DNAJC8: variants seen among roughly 807,000 people sequenced by gnomAD.
The protein encoded by DNAJC8 is DnaJ heat shock protein family (Hsp40) member C8, also known as dnaJ homolog subfamily C member 8.
DNAJC8 carries 24 observed loss-of-function variants against 43.2 expected under a neutral mutation model. That is an observed-to-expected ratio of 0.56 (90% CI 0.40 to 0.78). The LOEUF is 0.78. Ranked by LOEUF, DNAJC8 falls within the 30% of genes least tolerant of loss-of-function variation. The pLI, the probability that DNAJC8 is intolerant of heterozygous loss-of-function variation, is 0.00. For missense variants in DNAJC8, 207 were observed against 299.4 expected, an observed-to-expected ratio of 0.69 and a Z score of 2.28; for synonymous variants, 83 against 98.0, an observed-to-expected ratio of 0.85 and a Z score of 0.90.
At chr1:28,205,196 A>G in intron 7 of DNAJC8, 62 bp downstream of exon 7, 1 of 1,302,678 alleles carries the variant, frequency 7.7e-7, no homozygotes, top group Non-Finnish European at 1.1e-6. Context: ...AAAATCACCA[A>G]AGACCAATGT....
Position 28,204,071 on chromosome 1 carries a change from G to A in DNAJC8, c.564-249C>T, listed in dbSNP as rs557300926. ...TTGTTACACAGATAAAGTAACTAAA[G>A]CCCAGCCAAGAGCAATCTGAGGTTT... On this transcript the variant is annotated intron_variant, in intron 7 of 8. Coordinates refer to ENST00000263697, the MANE Select transcript of DNAJC8 (RefSeq NM_014280.3). 3.9e-5 allele frequency among the ~76,000 whole-genome samples: 6 copies of A among 152,268 alleles called. 1 individual carries two copies. Among genetic ancestry groups the A allele is most frequent in the African/African-American group, 1.4e-4 (6 of 41,556 alleles).
chr1:28,208,157 G>A (rs1646783155), intron 6 of DNAJC8, among the ~76,000 whole-genome samples, 185 bp downstream of exon 6: 1 of 152,200 alleles, frequency 6.6e-6, no homozygotes, highest in African/African-American at 2.4e-5. Context: ...AGTGAGCCGA[G>A]ATCGCGCCAT....
At chr1:28,203,984 G>A (rs1646753208) in intron 7 of DNAJC8, among the ~76,000 whole-genome samples, 162 bp from the exon 8 acceptor site, 1 of 152,172 alleles carries the variant, frequency 6.6e-6, no homozygotes, top group Non-Finnish European at 1.5e-5. Flanking sequence ...TTTCATGAAT[G>A]TCTCATTCTA....
intron 5 of DNAJC8, among the ~76,000 whole-genome samples, chr1:28,209,267 G>A (rs2149016327): frequency 6.6e-6 from 1 of 152,198 alleles, no homozygotes; most frequent in Non-Finnish European, 1.5e-5. Context: ...TCATTATTAT[G>A]GTTATAAAGT....
chr1:28,213,652 T>C (rs1646830834), intron 3 of DNAJC8, among the ~76,000 whole-genome samples: 1 of 152,170 alleles, frequency 6.6e-6, no homozygotes, highest in Non-Finnish European at 1.5e-5. Context: ...GGAAAGTTTT[T>C]TTAAAAGACA....
At chr1:28,219,673 G>A (rs1235443612) in intron 2 of DNAJC8, among the ~76,000 whole-genome samples, 4 of 151,926 alleles carry the variant, frequency 2.6e-5, no homozygotes, top group East Asian at 3.8e-4. Flanking sequence ...TGTGAAGTTC[G>A]GACGATTTCT....
At chr1:28,232,769 A>G in intron 1 of DNAJC8, 152 bp downstream of exon 1, 1 of 684,172 alleles carries the variant, frequency 1.5e-6, no homozygotes, top group Admixed American at 3.0e-5. Context: ...TCAGTGGGAG[A>G]CGCTCACACA....
chr1:28,213,110 C>T (rs919708678), intron 3 of DNAJC8, among the ~76,000 whole-genome samples: 12 of 152,072 alleles, frequency 7.9e-5, no homozygotes, highest in Non-Finnish European at 1.3e-4. Context: ...GTAACAGACA[C>T]GGAAAGGTTA....
At chr1:28,225,796 G>C (rs1412356046) in intron 2 of DNAJC8, among the ~76,000 whole-genome samples, 2 of 148,434 alleles carry the variant, frequency 1.3e-5, no homozygotes, top group Non-Finnish European at 3.0e-5. Context: ...TCCGCCTCCT[G>C]GGTTTAAGTG....
chr1:28,207,591 G>A (rs1048431404), intron 6 of DNAJC8, among the ~76,000 whole-genome samples: 5 of 150,424 alleles, frequency 3.3e-5, no homozygotes, highest in African/African-American at 4.9e-5. Context: ...TTACAGGCAC[G>A]TGCCACCACG....
chr1:28,226,702 T>C (rs544579008), intron 2 of DNAJC8, among the ~76,000 whole-genome samples: 25 of 151,292 alleles, frequency 1.7e-4, no homozygotes, highest in African/African-American at 5.6e-4. Flanking sequence ...CCCAACTACT[T>C]TGTTGGAGTG....
chr1:28,204,252 T>C (rs1357147750), intron 7 of DNAJC8, among the ~76,000 whole-genome samples: 1 of 152,214 alleles, frequency 6.6e-6, no homozygotes, highest in African/African-American at 2.4e-5. Flanking sequence ...TTTTAGTTAC[T>C]GGTACCTACC....
At chr1:28,206,373 C>T (rs1474857470) in intron 6 of DNAJC8, among the ~76,000 whole-genome samples, 1 of 151,780 alleles carries the variant, frequency 6.6e-6, no homozygotes, top group Admixed American at 6.6e-5. Flanking sequence ...ACTTCAGCCC[C>T]CAAAGCACTT....
chr1:28,215,019 C>T, intron 2 of DNAJC8, 23 bp from the exon 3 acceptor site: 2 of 1,584,700 alleles, frequency 1.3e-6, no homozygotes, highest in Non-Finnish European at 1.7e-6. Flanking sequence ...AAATCAAAAC[C>T]ATAAAAAAGG....
chr1:28,216,975 A>G (rs1342552847), intron 2 of DNAJC8, among the ~76,000 whole-genome samples: 2 of 151,358 alleles, frequency 1.3e-5, no homozygotes, highest in Admixed American at 6.6e-5. Flanking sequence ...CGCCCGGCTC[A>G]TTTTGTATTT....
chr1:28,220,130 G>T (rs936747613), intron 2 of DNAJC8, among the ~76,000 whole-genome samples: 1 of 152,214 alleles, frequency 6.6e-6, no homozygotes, highest in African/African-American at 2.4e-5. Flanking sequence ...GGGCAAAAAG[G>T]AGGAGAGTAT....
At position 28,211,499 on chromosome 1, in the gene DNAJC8, T is replaced by A. The variant is rs113364742; in HGVS notation, c.238-862A>T. Reference sequence around the variant, plus strand: ...CAGATAAGGGATACTCAACCTGTACTAAGCACTAAGGTGGCTAAAGCAGGT... The same window carrying A: ...CAGATAAGGGATACTCAACCTGTACAAAGCACTAAGGTGGCTAAAGCAGGT... On this transcript the variant is annotated intron_variant, in intron 3 of 8. Transcript: ENST00000263697. Among the ~76,000 whole-genome samples the A allele has an allele frequency of 7.3e-3, 1,112 of 152,358 alleles. 4 individuals carry two copies. Among genetic ancestry groups the A allele is most frequent in the Non-Finnish European group, 0.012 (825 of 68,044 alleles).
At chr1:28,205,640 C>A (rs1008479864) in intron 6 of DNAJC8, among the ~76,000 whole-genome samples, 1 of 152,196 alleles carries the variant, frequency 6.6e-6, no homozygotes, top group Non-Finnish European at 1.5e-5. Context: ...GTAATCCCAG[C>A]ACTTTGGAAG....
chr1:28,206,517 C>T (rs1040733375), intron 6 of DNAJC8, among the ~76,000 whole-genome samples: 1 of 152,068 alleles, frequency 6.6e-6, no homozygotes, highest in Non-Finnish European at 1.5e-5. Context: ...GCCGGGGTGA[C>T]AAAGGGAGAC....
Sources: gnomAD v4.1 joint callset for allele counts (sites outside exome capture counted in the v4.1 genomes callset) on GRCh38, gnomAD v4.1.1 for gene constraint, MANE v1.5 for transcripts, NCBI Gene and HGNC (gene_info 2026-07-23, HGNC 2026-07-21) for gene names.